The following KMT2C variants were observed in gnomAD, a reference collection of about 807,000 sequenced individuals.
The protein encoded by KMT2C is lysine methyltransferase 2C, also known as histone-lysine N-methyltransferase 2C.
A neutral mutation model predicts 507.9 loss-of-function variants in KMT2C; 88 were observed. The observed-to-expected ratio is 0.17, with a 90% CI of 0.15 to 0.21. KMT2C has a LOEUF of 0.21. Ranked by LOEUF, KMT2C falls within the 10% of genes least tolerant of loss-of-function variation. KMT2C has a pLI of 1.00. For synonymous variants in KMT2C, 2,049 were observed against 2,080.8 expected (o/e 0.98, Z 0.42); for missense variants, 4,954 against 5,957.8 (o/e 0.83, Z 5.55).
chr7:152,217,591 A>C (rs1453805516), intron 23 of KMT2C, among the ~76,000 whole-genome samples: 1 of 152,200 alleles, frequency 6.6e-6, no homozygotes, highest in Non-Finnish European at 1.5e-5. Context: ...CACACTAAAC[A>C]ATCTTTTTTC....
chr7:152,182,471 A>C lies in KMT2C; in HGVS notation c.5389T>G (p.Ser1797Ala). Residue 1797 changes from serine to alanine, a missense_variant, in exon 36 of 59, where the codon TCT (serine) becomes GCT (alanine). Physicochemically the swap from Ser to Ala is moderately conservative, Grantham distance 99. Coordinates refer to ENST00000262189, the MANE Select transcript of KMT2C (RefSeq NM_170606.3). ...CCACTACTTGGTGTATCTGAACCAG[A>C]CTGCACCAGAAGATGCTGAGAACCA... ...QFGSQHLLVQSGSDTPSSGIQ... is the reference protein window; with the variant it reads ...QFGSQHLLVQAGSDTPSSGIQ... 1 of 1,614,100 alleles carries C rather than the reference A, an allele frequency of 6.2e-7. No homozygotes were observed. Among genetic ancestry groups the C allele is most frequent in the Non-Finnish European group, 8.5e-7 (1 of 1,179,976 alleles).
chr7:152,425,564 C>A (rs1182650467), intron 1 of KMT2C, among the ~76,000 whole-genome samples: 1 of 152,070 alleles, frequency 6.6e-6, no homozygotes, highest in African/African-American at 2.4e-5. Context: ...GTGACAAGAG[C>A]GAAACTCCGT....
chr7:152,340,479 A>C lies in KMT2C; in HGVS notation c.251-9740T>G, dbSNP rs10271992. Among the ~76,000 whole-genome samples the C allele has an allele frequency of 9.3e-3, 1,421 of 152,278 alleles. 27 individuals are homozygous for C. Among genetic ancestry groups the C allele is most frequent in the African/African-American group, 0.033 (1,367 of 41,538 alleles). ...ATGTTTTCTGGATATATCTCATTGA[A>C]TCTAGTGTATCCAATGTCATCAAAA... On this transcript the variant is annotated intron_variant, in intron 2 of 58. Transcript: ENST00000262189.
intron 3 of KMT2C, among the ~76,000 whole-genome samples, chr7:152,320,542 C>T (rs1412344516): frequency 6.6e-6 from 1 of 151,908 alleles, no homozygotes; most frequent in Non-Finnish European, 1.5e-5. Context: ...AACCACCACA[C>T]CTGGCCTGTC....
intron 58 of KMT2C, chr7:152,137,139 G>A (rs551776997): frequency 1.0e-4 from 52 of 506,136 alleles, no homozygotes; most frequent in African/African-American, 8.6e-4. Flanking sequence ...TTTAAACAGC[G>A]AGATCTGAGA....
At chr7:152,192,859 G>A (rs2093844801) in intron 31 of KMT2C, among the ~76,000 whole-genome samples, 2 of 152,220 alleles carry the variant, frequency 1.3e-5, no homozygotes, top group African/African-American at 4.8e-5. Flanking sequence ...AGAGAGAGAT[G>A]TTCCTATGCT....
At chr7:152,171,378 G>A (rs375493351) in intron 39 of KMT2C, 36 bp from the exon 40 acceptor site, 2 of 1,357,806 alleles carry the variant, frequency 1.5e-6, no homozygotes, top group Non-Finnish European at 2.0e-6. Flanking sequence ...CAAGTGATGA[G>A]CGTTTAGAAA....
In KMT2C at chr7:152,159,070, T is replaced by G. The variant is rs1401993101; in HGVS notation, c.11463A>C (p.Gln3821His). Residue 3821 changes from glutamine (Q) to histidine (H), a missense_variant and splice_region_variant, in exon 44 of 59, where the codon CAA becomes CAC. Physicochemically the swap from Gln to His is conservative, Grantham distance 24 (BLOSUM62 0). Transcript: ENST00000262189. ...CACCTTGCATTTGAGCCCCCAAAGTTTGCTAATGTAATTGGAAAGGGTAAA... is the reference window on the plus strand; with the variant it reads ...CACCTTGCATTTGAGCCCCCAAAGTGTGCTAATGTAATTGGAAAGGGTAAA... ...VEKQNPAEGLQTLGAQMQGGF... is the reference protein window; with the variant it reads ...VEKQNPAEGLHTLGAQMQGGF... 6 of 1,613,974 alleles carry G rather than the reference T, an allele frequency of 3.7e-6. No individual in the cohort carries two copies. The highest frequency in any genetic ancestry group is 1.3e-5 in the African/African-American group (1 of 74,934).
At position 152,176,264 on chromosome 7, in the gene KMT2C, C is replaced by A. The variant is rs756244615; in HGVS notation, c.9189G>T (p.Arg3063Ser). Residue 3063 changes from arginine (R) to serine (S), a missense_variant, in exon 38 of 59, where the codon AGG becomes AGT. Arg to Ser is a moderately radical substitution (Grantham distance 110, BLOSUM62 -1). Transcript: ENST00000262189. Reference sequence around the variant, plus strand: ...TCTGTCTTTGCTGCTGCTGTTCTTGCCTTTCTTGATCCAAAAGATCCTGTA... The same window carrying A: ...TCTGTCTTTGCTGCTGCTGTTCTTGACTTTCTTGATCCAAAAGATCCTGTA... Reference protein sequence around the residue: ...LLLQDLLDQERQEQQQQRQMQ... With the variant: ...LLLQDLLDQESQEQQQQRQMQ... 3 of 1,613,992 alleles carry A rather than the reference C, an allele frequency of 1.9e-6. No homozygotes were observed. Among genetic ancestry groups the A allele is most frequent in the Admixed American group, 1.7e-5 (1 of 59,994 alleles).
At chr7:152,264,223 G>A (rs6970056) in intron 8 of KMT2C, among the ~76,000 whole-genome samples, 4,532 of 152,230 alleles carry the variant, frequency 0.03, 234 homozygotes, top group African/African-American at 0.1. Flanking sequence ...CTAAGATACT[G>A]ACGTTTATTT....
intron 9 of KMT2C, among the ~76,000 whole-genome samples, chr7:152,257,881 ACAC>A (rs1361278978): frequency 1.3e-5 from 2 of 151,946 alleles, no homozygotes; most frequent in East Asian, 3.9e-4. Context: ...ACACACACAC[ACAC>A]AAAAAAAACA....
intron 3 of KMT2C, among the ~76,000 whole-genome samples, chr7:152,326,840 C>T (rs2096833459): frequency 7.2e-5 from 11 of 152,174 alleles, no homozygotes; most frequent in African/African-American, 2.7e-4. Context: ...GAGATCGTGC[C>T]ACTGCACTCC....
rs142174402 is a variant in KMT2C at position 152,181,394 on chromosome 7, T to G, written c.6466A>C (p.Thr2156Pro). ...SQSSGTARSNTDPYSQPPGTP... is the reference protein window; with the variant it reads ...SQSSGTARSNPDPYSQPPGTP... ...CCAGGAGGTTGAGAGTAAGGGTCTG[T>G]ATTGGACCTAGCTGTTCCTGAAGAT... The change falls in exon 36 of 59, where the codon ACA becomes CCA. Residue 2156 changes from threonine to proline, a missense_variant. Coordinates refer to ENST00000262189, the MANE Select transcript of KMT2C (RefSeq NM_170606.3). The G allele has an allele frequency of 1.4e-5, 22 of 1,613,880 alleles. No homozygotes were observed. In the African/African-American group the frequency reaches 2.9e-4, roughly 22 times the overall value.
At chr7:152,400,101 G>A (rs2097563121) in intron 1 of KMT2C, among the ~76,000 whole-genome samples, 1 of 140,968 alleles carries the variant, frequency 7.1e-6, no homozygotes, top group African/African-American at 3.0e-5. Context: ...GAGGTCAGGA[G>A]ATCAAAACCA....
In KMT2C at chr7:152,290,220, A is replaced by ATATGTG. The variant is rs1554617001; in HGVS notation, c.850-16354_850-16353insCACATA. ...GTAGTCTAATAAATTTTATATATAT[A>ATATGTG]TGTGTGTGTGTGTGTGTGTGTGTGT... is the stretch of plus-strand genomic sequence containing the variant. On this transcript the variant is annotated intron_variant, in intron 6 of 58. Transcript: ENST00000262189. Among the ~76,000 whole-genome samples the ATATGTG allele has an allele frequency of 2.9e-3, 249 of 86,264 alleles. 5 individuals are homozygous for ATATGTG. Among genetic ancestry groups the ATATGTG allele is most frequent in the African/African-American group, 0.011 (227 of 21,064 alleles). 56.6% of individuals were successfully genotyped at this position (86,264 alleles called of 152,430 possible).
intron 6 of KMT2C, among the ~76,000 whole-genome samples, chr7:152,302,702 C>A (rs142241441): frequency 6.6e-6 from 1 of 151,346 alleles, no homozygotes; most frequent in Non-Finnish European, 1.5e-5. Flanking sequence ...AGTGCAGTGG[C>A]GAAAACTCAG....
chr7:152,247,965 A>G lies in KMT2C; in HGVS notation c.2469T>C (p.Ile823=), dbSNP rs779612367. The part of the protein sequence containing the change: ...PTTYISVTPK[I]GMGKPAITKR... ...TAGTAATAGCTGGTTTACCCATGCC[A>G]ATTTTTGGAGTGACTGAGATGTAAG... Residue 823 remains isoleucine (I), a synonymous_variant, in exon 14 of 59, where the codon ATT becomes ATC. Coordinates refer to ENST00000262189, the MANE Select transcript of KMT2C (RefSeq NM_170606.3). The G allele has an allele frequency of 6.2e-7, 1 of 1,614,050 alleles. No homozygotes were observed. Among genetic ancestry groups the G allele is most frequent in the Non-Finnish European group, 8.5e-7 (1 of 1,179,978 alleles).
At chr7:152,373,413 A>G (rs1260088476) in intron 1 of KMT2C, among the ~76,000 whole-genome samples, 2 of 152,204 alleles carry the variant, frequency 1.3e-5, no homozygotes, top group Non-Finnish European at 2.9e-5. Flanking sequence ...TATGGATTCA[A>G]TAACAAATAT....
intron 2 of KMT2C, among the ~76,000 whole-genome samples, chr7:152,358,187 A>T (rs1394741025): frequency 6.6e-6 from 1 of 152,224 alleles, no homozygotes; most frequent in Non-Finnish European, 1.5e-5. Flanking sequence ...AGCCTTTCAC[A>T]ATATTAATTC....
Sources: allele counts gnomAD v4.1 joint callset (sites outside exome capture counted in the v4.1 genomes callset), GRCh38; gene constraint gnomAD v4.1.1; transcripts MANE v1.5; gene names NCBI Gene and HGNC (gene_info 2026-07-23, HGNC 2026-07-21).